PRDM5: variants seen among roughly 807,000 people sequenced by gnomAD.
PRDM5 encodes the protein PR/SET domain 5, also known as PR domain zinc finger protein 5.
A neutral mutation model predicts 81.2 loss-of-function variants in PRDM5; 56 were observed. The observed-to-expected ratio is 0.69, with a 90% CI of 0.56 to 0.86. The LOEUF is 0.86. Ranked by LOEUF, PRDM5 falls within the 40% of genes least tolerant of loss-of-function variation. The pLI, the probability that PRDM5 is intolerant of heterozygous loss-of-function variation, is 0.00. For synonymous variants in PRDM5, 267 were observed against 256.4 expected, an observed-to-expected ratio of 1.04 and a Z score of -0.39; for missense variants, 697 against 770.1, an observed-to-expected ratio of 0.91 and a Z score of 1.12.
At chr4:120,854,021 C>T (rs1332958193) in intron 2 of PRDM5, among the ~76,000 whole-genome samples, 2 of 152,158 alleles carry the variant, frequency 1.3e-5, no homozygotes, top group Non-Finnish European at 2.9e-5. Context: ...ATCTAGCCAG[C>T]GGGAATCTGA....
At position 120,694,703 on chromosome 4, in the gene PRDM5, G is replaced by C. The variant is rs1451583028; in HGVS notation, c.*408C>G. The C allele has an allele frequency of 6.2e-6, 1 of 160,098 alleles. No individual in the cohort carries two copies. The highest frequency in any genetic ancestry group is 1.8e-4 in the East Asian group (1 of 5,678). The allele number at this position is 160,098 out of a possible 1,614,324, so 9.9% of individuals were successfully genotyped here. Reference sequence around the variant, plus strand: ...AAACCAGCTGCAACAACTGGCATTTGCAAGTGAGTGCACACACACAGACAC... The same window carrying C: ...AAACCAGCTGCAACAACTGGCATTTCCAAGTGAGTGCACACACACAGACAC... On this transcript the variant is annotated 3_prime_UTR_variant, in exon 16 of 16. Coordinates refer to ENST00000264808, the MANE Select transcript of PRDM5 (RefSeq NM_018699.4).
At chr4:120,862,025 A>T (rs1760663887) in intron 2 of PRDM5, among the ~76,000 whole-genome samples, 1 of 152,152 alleles carries the variant, frequency 6.6e-6, no homozygotes, top group South Asian at 2.1e-4. Flanking sequence ...AACCCATTTA[A>T]ATCTAACAGT....
At chr4:120,798,972 T>A (rs1308464836) in intron 9 of PRDM5, among the ~76,000 whole-genome samples, 1 of 152,220 alleles carries the variant, frequency 6.6e-6, no homozygotes, top group Non-Finnish European at 1.5e-5. Flanking sequence ...CAGGTTTTGA[T>A]CTGATTTTAA....
At chr4:120,920,874 G>A (rs1027071708) in intron 1 of PRDM5, among the ~76,000 whole-genome samples, 4 of 152,130 alleles carry the variant, frequency 2.6e-5, no homozygotes, top group Non-Finnish European at 4.4e-5. Context: ...AATAATATAT[G>A]ATGATTTTGG....
downstream of PRDM5, among the ~76,000 whole-genome samples, chr4:120,686,925 G>A (rs1733859034): frequency 6.6e-6 from 1 of 151,912 alleles, no homozygotes; most frequent in Admixed American, 6.6e-5. Flanking sequence ...TCCATTTAGA[G>A]ATAAAATTCA....
chr4:120,752,802 T>C (rs1744195124), intron 14 of PRDM5, among the ~76,000 whole-genome samples: 1 of 152,192 alleles, frequency 6.6e-6, no homozygotes, highest in African/African-American at 2.4e-5. Flanking sequence ...AAATAAATCA[T>C]AATAACAGCT....
chr4:120,891,469 T>C (rs924864069), intron 2 of PRDM5, among the ~76,000 whole-genome samples: 1 of 152,296 alleles, frequency 6.6e-6, no homozygotes, highest in East Asian at 1.9e-4. Flanking sequence ...CATTTATGCT[T>C]TCAGAGAACC....
At chr4:120,799,043 C>T (rs1029941980) in intron 9 of PRDM5, among the ~76,000 whole-genome samples, 18 of 152,260 alleles carry the variant, frequency 1.2e-4, no homozygotes, top group African/African-American at 4.1e-4. Flanking sequence ...TGACTTCAAT[C>T]GCCTCAAATT....
intron 2 of PRDM5, among the ~76,000 whole-genome samples, chr4:120,889,659 TA>T (rs901247030): frequency 5.9e-5 from 9 of 152,184 alleles, no homozygotes; most frequent in African/African-American, 2.2e-4. Context: ...CACGGTTTGG[TA>T]TACAGATTAT....
chr4:120,734,173 G>A (rs1431770255), intron 14 of PRDM5, among the ~76,000 whole-genome samples: 1 of 152,074 alleles, frequency 6.6e-6, no homozygotes, highest in Non-Finnish European at 1.5e-5. Flanking sequence ...CTGGCACAGG[G>A]CACCCAGGCT....
chr4:120,828,589 A>C (rs78410983), intron 3 of PRDM5, among the ~76,000 whole-genome samples: 2 of 151,978 alleles, frequency 1.3e-5, no homozygotes, highest in Admixed American at 1.3e-4. Flanking sequence ...AAAATAATCC[A>C]ATGCATTTAT....
At chr4:120,714,133 C>G (rs1439940523) in intron 14 of PRDM5, among the ~76,000 whole-genome samples, 1 of 152,114 alleles carries the variant, frequency 6.6e-6, no homozygotes, top group Admixed American at 6.6e-5. Context: ...TTTATATAAT[C>G]AACGTGATTT....
chr4:120,775,173 A>T (rs1747966604), intron 13 of PRDM5, among the ~76,000 whole-genome samples: 1 of 151,604 alleles, frequency 6.6e-6, no homozygotes, highest in Non-Finnish European at 1.5e-5. Context: ...TGTATACAAT[A>T]AATAACCAAA....
intron 14 of PRDM5, among the ~76,000 whole-genome samples, chr4:120,735,051 T>C (rs552464729): frequency 6.6e-6 from 1 of 152,314 alleles, no homozygotes; most frequent in African/African-American, 2.4e-5. Context: ...GAGTTACAAT[T>C]AGAAACATAA....
chr4:120,756,255 C>T (rs999081713), intron 13 of PRDM5, among the ~76,000 whole-genome samples: 5 of 152,208 alleles, frequency 3.3e-5, no homozygotes, highest in African/African-American at 1.2e-4. Context: ...CAGGTACCCT[C>T]CTTTGGGTAT....
At chr4:120,838,885 C>T (rs1230249253) in intron 3 of PRDM5, 13 of 277,646 alleles carry the variant, frequency 4.7e-5, no homozygotes, top group East Asian at 1.9e-4. Context: ...CTGCATGGAG[C>T]GGCAAGGGGT....
At chr4:120,921,199 A>C (rs1463212108) in intron 1 of PRDM5, among the ~76,000 whole-genome samples, 2 of 152,216 alleles carry the variant, frequency 1.3e-5, no homozygotes, top group Non-Finnish European at 2.9e-5. Flanking sequence ...TCTTTTAAGA[A>C]TGAATTAAAA....
chr4:120,772,052 G>A (rs1267484324), intron 13 of PRDM5, among the ~76,000 whole-genome samples: 2 of 152,124 alleles, frequency 1.3e-5, no homozygotes, highest in Non-Finnish European at 2.9e-5. Flanking sequence ...CAGGGGGCTA[G>A]GGTTTGAACT....
chr4:120,910,760 A>G (rs186216584), intron 1 of PRDM5, among the ~76,000 whole-genome samples: 1 of 152,344 alleles, frequency 6.6e-6, no homozygotes, highest in Admixed American at 6.5e-5. Context: ...AAGTATATAC[A>G]TGTGCCTTAG....
Sources: gnomAD v4.1 joint callset for allele counts (sites outside exome capture counted in the v4.1 genomes callset) on GRCh38, gnomAD v4.1.1 for gene constraint, MANE v1.5 for transcripts, NCBI Gene and HGNC (gene_info 2026-07-23, HGNC 2026-07-21) for gene names.